The following PCDHGA3 variants were observed in gnomAD, a reference collection of about 807,000 sequenced individuals.
PCDHGA3 encodes protocadherin gamma-A3.
Under a neutral mutation model 58.5 loss-of-function variants are expected in PCDHGA3, and 40 were observed. The ratio of observed to expected loss-of-function variants is 0.68; its 90% CI spans 0.53 to 0.89. PCDHGA3 has a LOEUF of 0.89. Among genes scored for constraint, PCDHGA3 ranks in the 40% least tolerant of loss-of-function variants. The pLI is 0.00. For synonymous variants in PCDHGA3, 530 were observed against 525.7 expected (o/e 1.01, Z -0.11); for missense variants, 1,223 against 1,195.9 (o/e 1.02, Z -0.33).
At chr5:141,472,980 C>CAAAAAAAAAAAAAAAAAAA (rs60579131) in intron 1 of PCDHGA3, among the ~76,000 whole-genome samples, 6 of 86,104 alleles carry the variant, frequency 7.0e-5, no homozygotes, top group African/African-American at 1.2e-4. Context: ...GAGTGAAACT[C>CAAAAAAAAAAAAAAAAAAA]AAAAAAAAAA....
Position 141,383,223 on chromosome 5 carries a change from C to T in PCDHGA3, c.2424+36766C>T, listed in dbSNP as rs76873890. The T allele has an allele frequency of 1.7e-3, 2,674 of 1,613,922 alleles. 41 individuals are homozygous for T. In the African/African-American group the frequency reaches 0.031, roughly 19 times the overall value. Reference sequence around the variant, plus strand: ...CGCGGTGTCTGGTAAACTTTAACATCCTGATGGAAGATAAAATGAATCTTT... The same window carrying T: ...CGCGGTGTCTGGTAAACTTTAACATTCTGATGGAAGATAAAATGAATCTTT... On this transcript the variant is annotated intron_variant, in intron 1 of 3. Transcript: ENST00000253812.
Position 141,512,574 on chromosome 5 carries a change from C to G in PCDHGA3, c.*1401C>G, listed in dbSNP as rs1429371202. 2 of 152,884 alleles carry G rather than the reference C, an allele frequency of 1.3e-5. No homozygotes were observed. Among genetic ancestry groups the G allele is most frequent in the South Asian group, 2.1e-4 (1 of 4,836 alleles). 9.5% of individuals were successfully genotyped at this position (152,884 alleles called of 1,614,324 possible). On this transcript the variant is annotated 3_prime_UTR_variant, in exon 4 of 4. Transcript: ENST00000253812. ...GTGCATAGACCTTCTTCTCCCACCC[C>G]CTTCTGCCCCTGGGTCCCCGGCCAT...
chr5:141,428,081 C>T (rs768842388), intron 1 of PCDHGA3: 2 of 1,609,218 alleles, frequency 1.2e-6, no homozygotes, highest in Non-Finnish European at 1.7e-6. Context: ...CGGGACACAA[C>T]GCTTGGCTGT....
Position 141,387,739 on chromosome 5 carries a change from C to A in PCDHGA3, c.2424+41282C>A, listed in dbSNP as rs182945836. 5.0e-3 allele frequency: 6,618 copies of A among 1,328,550 alleles called. 35 individuals are homozygous for A. Among genetic ancestry groups the A allele is most frequent in the Admixed American group, 0.01 (369 of 36,562 alleles). The allele number at this position is 1,328,550 out of a possible 1,614,324, so 82.3% of individuals were successfully genotyped here. ...AGACTCCCCAGCGCCAGCCTTTACA[C>A]CGCTTCCTCCTCGGAAAAAGAAGAA... On this transcript the variant is annotated intron_variant, in intron 1 of 3. Transcript: ENST00000253812.
rs3805699 is a variant in PCDHGA3 at position 141,435,743 on chromosome 5, G to A, written c.2425-59064G>A. Among the ~76,000 whole-genome samples the A allele has an allele frequency of 9.2e-5, 14 of 152,198 alleles. No homozygotes were observed. The East Asian group carries it at 2.1e-3, about 23-fold the overall frequency. ...GCTAAAGTGTATTACTCTTTGAAAA[G>A]CATTGCTTGATTTCTTTTGGTGAAT... is the stretch of plus-strand genomic sequence containing the variant. On this transcript the variant is annotated intron_variant, in intron 1 of 3. Coordinates refer to ENST00000253812, the MANE Select transcript of PCDHGA3 (RefSeq NM_018916.4).
Position 141,512,495 on chromosome 5 carries a change from C to T in PCDHGA3, c.*1322C>T, listed in dbSNP as rs2099884264. 1 of 152,920 alleles carries T rather than the reference C, an allele frequency of 6.5e-6. No homozygotes were observed. The highest frequency in any genetic ancestry group is 1.5e-5 in the Non-Finnish European group (1 of 68,240). The allele number at this position is 152,920 out of a possible 1,614,324, so 9.5% of individuals were successfully genotyped here. A position where few individuals can be genotyped will look rare whatever the true frequency, so the allele number is the denominator to read the frequency against. On this transcript the variant is annotated 3_prime_UTR_variant, in exon 4 of 4. Coordinates refer to ENST00000253812, the MANE Select transcript of PCDHGA3 (RefSeq NM_018916.4). ...TTCCGTGAAGGCCACTGCCCAGGTCCCCAGTGCGCCCCCTAGTGGCCATAG... is the reference window on the plus strand; with the variant it reads ...TTCCGTGAAGGCCACTGCCCAGGTCTCCAGTGCGCCCCCTAGTGGCCATAG...
intron 1 of PCDHGA3, among the ~76,000 whole-genome samples, chr5:141,460,983 G>GTA (rs59296681): frequency 9.4e-4 from 130 of 137,840 alleles, no homozygotes; most frequent in Middle Eastern, 3.8e-3. Context: ...GTGTGTGTGT[G>GTA]TATATATATA....
intron 1 of PCDHGA3, among the ~76,000 whole-genome samples, chr5:141,488,870 G>T (rs2099680071): frequency 6.6e-6 from 1 of 152,224 alleles, no homozygotes; most frequent in African/African-American, 2.4e-5. Context: ...TGAGTGGGGA[G>T]GTAGGAAGCT....
chr5:141,355,955 G>A (rs1334601429), intron 1 of PCDHGA3: 3 of 1,613,744 alleles, frequency 1.9e-6, no homozygotes, highest in South Asian at 1.1e-5. Flanking sequence ...GTAAGTGTTC[G>A]TGAGAACGTT....
At chr5:141,356,693 G>A in intron 1 of PCDHGA3, 1 of 1,613,962 alleles carries the variant, frequency 6.2e-7, no homozygotes, top group Middle Eastern at 1.6e-4. Context: ...ACCTTCCAGG[G>A]TGCACCTCTG....
chr5:141,371,768 C>G, intron 1 of PCDHGA3: 1 of 1,614,032 alleles, frequency 6.2e-7, no homozygotes, highest in East Asian at 2.2e-5. Flanking sequence ...CCTCCTACAC[C>G]GTGCATGTAG....
chr5:141,422,916 C>T, intron 1 of PCDHGA3: 1 of 1,614,260 alleles, frequency 6.2e-7, no homozygotes, highest in Non-Finnish European at 8.5e-7. Context: ...CGCCCGAGAT[C>T]CTGTACCCTG....
At chr5:141,368,074 G>A (rs1765473205) in intron 1 of PCDHGA3, among the ~76,000 whole-genome samples, 2 of 152,100 alleles carry the variant, frequency 1.3e-5, no homozygotes, top group Admixed American at 6.6e-5. Context: ...TTTCCCTTCT[G>A]CATCTGATTT....
intron 1 of PCDHGA3, chr5:141,414,950 TGACCAA>T (rs778670321): frequency 6.2e-7 from 1 of 1,614,030 alleles, no homozygotes; most frequent in South Asian, 1.1e-5. Context: ...GGCTACCTGG[TGACCAA>T]GGTGGTGGCG....
At chr5:141,471,860 A>G (rs1470502617) in intron 1 of PCDHGA3, among the ~76,000 whole-genome samples, 1 of 152,202 alleles carries the variant, frequency 6.6e-6, no homozygotes, top group Non-Finnish European at 1.5e-5. Flanking sequence ...AAAAAGCAAA[A>G]CTGTGGTTGC....
intron 1 of PCDHGA3, among the ~76,000 whole-genome samples, chr5:141,479,060 T>G (rs980468382): frequency 5.9e-5 from 9 of 152,248 alleles, no homozygotes; most frequent in Non-Finnish European, 1.3e-4. Context: ...CAGATAATTT[T>G]TTATGAATGA....
Position 141,494,803 on chromosome 5 carries a change from A to G in PCDHGA3, c.2425-4A>G. On this transcript the variant is annotated splice_polypyrimidine_tract_variant and splice_region_variant and intron_variant, in intron 1 of 3. Transcript: ENST00000253812. ...CAGCCCCTTTCCCTCTGTTTTCTCC[A>G]CAGCAAGCCCCGCCCAACACGGACT... The G allele has an allele frequency of 6.2e-7, 1 of 1,613,646 alleles. No individual in the cohort carries two copies. Among genetic ancestry groups the G allele is most frequent in the Non-Finnish European group, 8.5e-7 (1 of 1,179,900 alleles).
chr5:141,422,800 C>T, intron 1 of PCDHGA3: 1 of 1,614,214 alleles, frequency 6.2e-7, no homozygotes, highest in Non-Finnish European at 8.5e-7. Context: ...CGACTATGAG[C>T]AGTTTCGAGA....
At chr5:141,366,494 T>C (rs1764591738) in intron 1 of PCDHGA3, 2 of 1,614,234 alleles carry the variant, frequency 1.2e-6, no homozygotes. Context: ...CTGGCACAAG[T>C]CACGCCTGCT....
Sources: allele counts gnomAD v4.1 joint callset (sites outside exome capture counted in the v4.1 genomes callset), GRCh38; gene constraint gnomAD v4.1.1; transcripts MANE v1.5; gene names NCBI Gene and HGNC (gene_info 2026-07-23, HGNC 2026-07-21).